The following GLDC variants were observed in gnomAD, a reference collection of about 807,000 sequenced individuals.
The protein encoded by GLDC is glycine dehydrogenase (decarboxylating), mitochondrial.
GLDC carries 104 observed loss-of-function variants against 121.3 expected under a neutral mutation model. The observed-to-expected ratio is 0.86, with a 90% CI of 0.73 to 1.01. The LOEUF (loss-of-function observed/expected upper bound fraction) is 1.01. GLDC is among the 50% of genes least tolerant of loss of function. The probability of loss-of-function intolerance (pLI) is 0.00; values close to 1 mark genes in which losing one functional copy is unlikely to be tolerated. For synonymous variants in GLDC, 546 were observed against 480.6 expected, an observed-to-expected ratio of 1.14 and a Z score of -1.78; for missense variants, 1,429 against 1,306.6, an observed-to-expected ratio of 1.09 and a Z score of -1.44.
Position 6,536,166 on chromosome 9 carries a change from G to C in GLDC, c.2736C>G (p.Asp912Glu). 3.7e-6 allele frequency: 6 copies of C among 1,614,010 alleles called. No individual in the cohort carries two copies. Among genetic ancestry groups the C allele is most frequent in the Non-Finnish European group, 5.1e-6 (6 of 1,179,934 alleles). Reference protein sequence around the residue: ...TLMVEPTESEDKAELDRFCDA... With the variant: ...TLMVEPTESEEKAELDRFCDA... ...CACAGAATCTGTCCAGCTCTGCCTT[G>C]TCCTCCGACTCAGTGGGCTCCACCA... The change falls in exon 23 of 25, where the codon GAC (aspartate) becomes GAG (glutamate). Residue 912 changes from aspartate (D) to glutamate (E), a missense_variant. Asp to Glu is a conservative substitution (Grantham distance 45, BLOSUM62 2). Coordinates refer to ENST00000321612, the MANE Select transcript of GLDC (RefSeq NM_000170.3).
At chr9:6,540,466 C>A in intron 21 of GLDC, 1 of 361,960 alleles carries the variant, frequency 2.8e-6, no homozygotes, top group Non-Finnish European at 5.2e-6. Flanking sequence ...GAGATTATTT[C>A]TATTCTGCGG....
At position 6,558,653 on chromosome 9, in the gene GLDC, G is replaced by C. The variant is rs1372622638; in HGVS notation, c.1958C>G (p.Thr653Ser). The change falls in exon 17 of 25, where the codon ACC becomes AGC. Residue 653 changes from threonine to serine, a missense_variant. Coordinates refer to ENST00000321612, the MANE Select transcript of GLDC (RefSeq NM_000170.3). ...TGCCATGTGGGCACTTGCTGGGTTG[G>C]TCCCATGTGCTGATTTCGGAATGAG... ...VCLIPKSAHG[T>S]NPASAHMAGM... is the part of the protein sequence containing the mutation. The C allele has an allele frequency of 2.5e-6, 4 of 1,614,154 alleles. No individual in the cohort carries two copies. Among genetic ancestry groups the C allele is most frequent in the East Asian group, 2.2e-5 (1 of 44,884 alleles).
At chr9:6,547,924 G>C (rs1431965914) in intron 21 of GLDC, among the ~76,000 whole-genome samples, 3 of 152,150 alleles carry the variant, frequency 2.0e-5, no homozygotes. Context: ...GAGCAGAGGA[G>C]TTCAAGACCA....
chr9:6,600,713 C>T (rs1482245808), intron 8 of GLDC, among the ~76,000 whole-genome samples: 2 of 151,788 alleles, frequency 1.3e-5, no homozygotes, highest in African/African-American at 4.8e-5. Flanking sequence ...AAAAGAGATG[C>T]ACTTAGAATG....
intron 1 of GLDC, 102 bp downstream of exon 1, chr9:6,645,143 C>G: frequency 1.6e-6 from 2 of 1,232,296 alleles, no homozygotes; most frequent in Non-Finnish European, 1.1e-6. Flanking sequence ...GCGGGGACCA[C>G]GCGGAGCGCA....
intron 15 of GLDC, among the ~76,000 whole-genome samples, chr9:6,568,318 G>T (rs1372639896): frequency 6.6e-6 from 1 of 152,174 alleles, no homozygotes; most frequent in Non-Finnish European, 1.5e-5. Flanking sequence ...AAAACAAATT[G>T]TTAGTGCCAC....
chr9:6,540,679 A>C (rs1817237578), intron 21 of GLDC: 1 of 160,082 alleles, frequency 6.2e-6, no homozygotes, highest in Non-Finnish European at 1.4e-5. Context: ...GGACCTTTTG[A>C]TGTTTTGGTT....
At chr9:6,561,115 G>A (rs1487784024) in intron 16 of GLDC, among the ~76,000 whole-genome samples, 1 of 152,192 alleles carries the variant, frequency 6.6e-6, no homozygotes, top group Non-Finnish European at 1.5e-5. Context: ...TCTGACACCT[G>A]GCCTCTGCAA....
Position 6,558,577 on chromosome 9 carries a change from T to C in GLDC, c.2034A>G (p.Ala678=). The C allele has an allele frequency of 6.2e-7, 1 of 1,614,190 alleles. No homozygotes were observed. Among genetic ancestry groups the C allele is most frequent in the Non-Finnish European group, 8.5e-7 (1 of 1,180,016 alleles). The change falls in exon 17 of 25, where the codon GCA becomes GCG. Residue 678 remains alanine (A), a synonymous_variant. Transcript: ENST00000321612. ...CAAGTACCATGGCCTTGAGGTGAAC[T>C]GCATCGATATTCCCATATTTATCCA... is the stretch of plus-strand genomic sequence containing the variant. ...VEVDKYGNID[A]VHLKAMVDKH...
At chr9:6,558,110 T>G in intron 17 of GLDC, 1 of 244,274 alleles carries the variant, frequency 4.1e-6, no homozygotes, top group Non-Finnish European at 7.9e-6. Flanking sequence ...GTTGGGAGGT[T>G]GAGAGTGGGG....
chr9:6,589,058 G>T, intron 12 of GLDC, 137 bp downstream of exon 12: 1 of 737,300 alleles, frequency 1.4e-6, no homozygotes, highest in East Asian at 2.5e-5. Flanking sequence ...GGATCGTTAT[G>T]AGGATGAAAT....
chr9:6,538,377 A>G (rs1227018025), intron 22 of GLDC, among the ~76,000 whole-genome samples: 3 of 152,222 alleles, frequency 2.0e-5, no homozygotes, highest in Non-Finnish European at 4.4e-5. Context: ...GTAAGGCAGT[A>G]TGCCCCAAAA....
chr9:6,636,696 A>G (rs1819508845), intron 2 of GLDC, among the ~76,000 whole-genome samples: 1 of 152,080 alleles, frequency 6.6e-6, no homozygotes, highest in Non-Finnish European at 1.5e-5. Flanking sequence ...GATCACTTGA[A>G]CCCAGGAGGT....
chr9:6,642,775 C>G (rs908645931), intron 2 of GLDC, among the ~76,000 whole-genome samples: 5 of 152,134 alleles, frequency 3.3e-5, no homozygotes, highest in African/African-American at 1.2e-4. Context: ...CATTCCCTGA[C>G]TTTGAAAGTC....
chr9:6,564,080 TCTA>T (rs1563839200), intron 16 of GLDC, among the ~76,000 whole-genome samples: 1 of 151,966 alleles, frequency 6.6e-6, no homozygotes, highest in Non-Finnish European at 1.5e-5. Flanking sequence ...AAACTCTGTT[TCTA>T]CTAAAAATAC....
chr9:6,572,188 T>A (rs538234667), intron 15 of GLDC, among the ~76,000 whole-genome samples: 2 of 152,234 alleles, frequency 1.3e-5, no homozygotes, highest in South Asian at 4.1e-4. Flanking sequence ...TTGAACTCCA[T>A]CATAATTAAA....
At chr9:6,540,264 C>T (rs1587912151) in intron 21 of GLDC, 118 bp from the exon 22 acceptor site, 1 of 746,096 alleles carries the variant, frequency 1.3e-6, no homozygotes. Context: ...CAGCGAGGAC[C>T]AAGAAGCCAT....
rs183333733 is a variant in GLDC, at chr9:6,560,772, T to G, written c.1927-2088A>C. Among the ~76,000 whole-genome samples the G allele has an allele frequency of 1.1e-3, 170 of 152,352 alleles. 2 individuals carry two copies. Among genetic ancestry groups the G allele is most frequent in the East Asian group, 2.9e-3 (15 of 5,186 alleles). On this transcript the variant is annotated intron_variant, in intron 16 of 24. Transcript: ENST00000321612. Reference sequence around the variant, plus strand: ...AATAACGGGCTCCCAAAGACATCCCTGTCCTAATCCTCGGAACCTGTGGGT... The same window carrying G: ...AATAACGGGCTCCCAAAGACATCCCGGTCCTAATCCTCGGAACCTGTGGGT...
At chr9:6,623,781 C>T (rs112544005) in intron 2 of GLDC, among the ~76,000 whole-genome samples, 6,902 of 152,254 alleles carry the variant, frequency 0.045, 506 homozygotes, top group African/African-American at 0.15. Flanking sequence ...ATGCAATAAA[C>T]CCACATCTGA....
Sources: allele counts gnomAD v4.1 joint callset (sites outside exome capture counted in the v4.1 genomes callset), GRCh38; gene constraint gnomAD v4.1.1; transcripts MANE v1.5; gene names NCBI Gene and HGNC (gene_info 2026-07-23, HGNC 2026-07-21).